Variants in ADGRA1 observed in about 807,000 individuals in gnomAD.
ADGRA1 encodes adhesion G protein-coupled receptor A1, also known as G-protein coupled receptor 123.
In ADGRA1, 12 loss-of-function variants were observed where a neutral mutation model predicts 21.3. That is an observed-to-expected ratio of 0.56 (90% CI 0.36 to 0.91). The LOEUF (loss-of-function observed/expected upper bound fraction) is 0.91, where lower values mean the gene tolerates loss of function less well. Among genes scored for constraint, ADGRA1 ranks in the 40% least tolerant of loss-of-function variants. The pLI is 0.01. For missense variants in ADGRA1, 790 were observed against 805.6 expected (o/e 0.98, Z 0.23); for synonymous variants, 385 against 368.8 (o/e 1.04, Z -0.50).
intron 5 of ADGRA1, among the ~76,000 whole-genome samples, chr10:133,115,321 T>TGCCCAGCGGTCAGCAGCAGGCAC (rs1852136646): frequency 6.6e-6 from 1 of 152,166 alleles, no homozygotes; most frequent in Non-Finnish European, 1.5e-5. Flanking sequence ...ACACAGGCTC[T>TGCCCAGCGGTCAGCAGCAGGCAC]GCCCAGCGGT....
chr10:133,111,508 A>G (rs71503778), intron 5 of ADGRA1, among the ~76,000 whole-genome samples: 4 of 52,004 alleles, frequency 7.7e-5, no homozygotes, highest in Admixed American at 1.5e-4. Context: ...CAACCTGCCC[A>G]CCACAGACAC....
intron 1 of ADGRA1, 54 bp from the exon 2 acceptor site, chr10:133,088,654 C>T: frequency 8.8e-7 from 1 of 1,135,542 alleles, no homozygotes. Context: ...GGGCTGCGAG[C>T]TGCCCTCCGC....
intron 5 of ADGRA1, among the ~76,000 whole-genome samples, chr10:133,106,100 A>C (rs538873434): frequency 1.9e-4 from 29 of 152,316 alleles, no homozygotes; most frequent in African/African-American, 7.0e-4. Flanking sequence ...CCAGGCCCTC[A>C]GAACCGCCCT....
intron 5 of ADGRA1, among the ~76,000 whole-genome samples, chr10:133,106,601 G>A (rs1385793813): frequency 1.3e-5 from 2 of 152,264 alleles, no homozygotes; most frequent in Non-Finnish European, 2.9e-5. Flanking sequence ...TCAGGGCGCA[G>A]GGGACTGGAG....
chr10:133,127,148 C>A, intron 5 of ADGRA1, 85 bp from the exon 6 acceptor site: 1 of 824,740 alleles, frequency 1.2e-6, no homozygotes, highest in Non-Finnish European at 1.8e-6. Context: ...CTCTCCCTTG[C>A]CCCGCGGAGT....
intron 5 of ADGRA1, among the ~76,000 whole-genome samples, chr10:133,116,579 A>C: frequency 1.3e-5 from 2 of 148,446 alleles, no homozygotes; most frequent in Non-Finnish European, 1.5e-5. Flanking sequence ...CACCCAACCC[A>C]CCCACAGGCG....
At chr10:133,110,078 A>T (rs1851959900) in intron 5 of ADGRA1, among the ~76,000 whole-genome samples, 1 of 152,232 alleles carries the variant, frequency 6.6e-6, no homozygotes, top group Non-Finnish European at 1.5e-5. Context: ...CCACAGAAGG[A>T]TACACCACAG....
chr10:133,091,163 A>G (rs956880446), intron 2 of ADGRA1, among the ~76,000 whole-genome samples: 1 of 152,256 alleles, frequency 6.6e-6, no homozygotes, highest in Non-Finnish European at 1.5e-5. Context: ...CACTTAACTC[A>G]GAGAACAGTT....
At chr10:133,101,463 C>T (rs1851793439) in intron 4 of ADGRA1, among the ~76,000 whole-genome samples, 1 of 152,240 alleles carries the variant, frequency 6.6e-6, no homozygotes, top group South Asian at 2.1e-4. Context: ...CCTGCAGCCT[C>T]TCCATCTGTC....
At chr10:133,099,321 C>T (rs1441696098) in intron 4 of ADGRA1, among the ~76,000 whole-genome samples, 2 of 152,090 alleles carry the variant, frequency 1.3e-5, no homozygotes, top group African/African-American at 2.4e-5. Context: ...GGGGGCAGCT[C>T]GAGGAGGGGC....
intron 2 of ADGRA1, among the ~76,000 whole-genome samples, chr10:133,090,515 G>A (rs1851580631): frequency 6.6e-6 from 1 of 152,248 alleles, no homozygotes; most frequent in Non-Finnish European, 1.5e-5. Context: ...TGCTGCATCA[G>A]TCTGGTGCAG....
At chr10:133,121,541 AGTGT>A (rs372963791) in intron 5 of ADGRA1, among the ~76,000 whole-genome samples, 3 of 133,484 alleles carry the variant, frequency 2.2e-5, no homozygotes, top group African/African-American at 5.9e-5. Flanking sequence ...CCAGTGTGCC[AGTGT>A]GTGTGTGAGT....
intron 2 of ADGRA1, among the ~76,000 whole-genome samples, chr10:133,089,878 G>T (rs1388402950): frequency 7.2e-5 from 11 of 152,228 alleles, no homozygotes; most frequent in Non-Finnish European, 1.6e-4. Context: ...TGACAAGGTT[G>T]CGTCTCCAGC....
chr10:133,097,867 G>A (rs1262422373), intron 3 of ADGRA1, among the ~76,000 whole-genome samples: 1 of 152,198 alleles, frequency 6.6e-6, no homozygotes, highest in African/African-American at 2.4e-5. Context: ...CCCTGCCTGT[G>A]TCCCTGCATG....
At chr10:133,093,822 G>A (rs1318953483) in intron 2 of ADGRA1, among the ~76,000 whole-genome samples, 5 of 152,174 alleles carry the variant, frequency 3.3e-5, no homozygotes, top group Non-Finnish European at 7.3e-5. Flanking sequence ...AGCAGGCCTG[G>A]GGAACACTTG....
chr10:133,087,976 G>A lies in ADGRA1; in HGVS notation c.-365G>A, dbSNP rs1851529855. The A allele has an allele frequency of 1.0e-6, 1 of 984,882 alleles. No individual in the cohort carries two copies. The highest frequency in any genetic ancestry group is 1.2e-6 in the Non-Finnish European group (1 of 829,770). The allele number at this position is 984,882 out of a possible 1,614,324, so 61.0% of individuals were successfully genotyped here. On this transcript the variant is annotated 5_prime_UTR_variant, in exon 1 of 7. Transcript: ENST00000392607. ...CTGGGCCGCTCGTGCGCGGGGCTGT[G>A]ACTCACCGGCCGGCGCCGCAGCCCC...
At chr10:133,108,013 C>A (rs531033813) in intron 5 of ADGRA1, among the ~76,000 whole-genome samples, 2 of 152,252 alleles carry the variant, frequency 1.3e-5, no homozygotes, top group Non-Finnish European at 2.9e-5. Flanking sequence ...CCCTGCACAT[C>A]CTGCTGTGTG....
intron 5 of ADGRA1, among the ~76,000 whole-genome samples, chr10:133,114,216 C>T (rs117789722): frequency 0.019 from 2,966 of 152,320 alleles, 41 homozygotes; most frequent in Non-Finnish European, 0.027. Flanking sequence ...AAGGGCAGAG[C>T]GGGACACACC....
intron 5 of ADGRA1, among the ~76,000 whole-genome samples, chr10:133,116,253 C>G (rs1009245449): frequency 6.6e-6 from 1 of 152,196 alleles, no homozygotes; most frequent in African/African-American, 2.4e-5. Context: ...GGGAACCGAG[C>G]TGATCCGCAG....
Sources: gnomAD v4.1 joint callset for allele counts (sites outside exome capture counted in the v4.1 genomes callset) on GRCh38, gnomAD v4.1.1 for gene constraint, MANE v1.5 for transcripts, NCBI Gene and HGNC (gene_info 2026-07-23, HGNC 2026-07-21) for gene names.